Variants in RYR3 observed in about 807,000 individuals in gnomAD.
The protein encoded by RYR3 is ryanodine receptor 3, also known as brain ryanodine receptor-calcium release channel.
Under a neutral mutation model 584.3 loss-of-function variants are expected in RYR3, and 207 were observed. The observed-to-expected ratio is 0.35, with a 90% CI of 0.32 to 0.40. RYR3 has a LOEUF of 0.40. Among genes scored for constraint, RYR3 ranks in the 10% least tolerant of loss-of-function variants. The pLI, the probability that RYR3 is intolerant of heterozygous loss-of-function variation, is 1.00. For missense variants in RYR3, 5,616 were observed against 6,089.2 expected (o/e 0.92, Z 2.59); for synonymous variants, 2,416 against 2,248.5 (o/e 1.07, Z -2.11).
intron 43 of RYR3, among the ~76,000 whole-genome samples, chr15:33,719,548 T>C (rs1173536651): frequency 6.6e-6 from 1 of 152,228 alleles, no homozygotes; most frequent in East Asian, 1.9e-4. Context: ...TTTTTTATAT[T>C]TAAAATTTCA....
intron 1 of RYR3, among the ~76,000 whole-genome samples, chr15:33,341,847 T>A (rs911643354): frequency 4.7e-5 from 7 of 149,522 alleles, no homozygotes; most frequent in Non-Finnish European, 8.9e-5. Flanking sequence ...TAGAAAAAAT[T>A]AAAAAAAAAA....
chr15:33,352,821 A>C (rs1298704651), intron 1 of RYR3, among the ~76,000 whole-genome samples: 1 of 152,208 alleles, frequency 6.6e-6, no homozygotes, highest in Non-Finnish European at 1.5e-5. Flanking sequence ...TTAGAGAGCT[A>C]AGGTTAAAGC....
chr15:33,837,743 C>G lies in RYR3; in HGVS notation c.11763C>G (p.Asp3921Glu), dbSNP rs533027098. Residue 3921 changes from aspartate to glutamate, a missense_variant, in exon 89 of 104, where the codon GAC becomes GAG. By Grantham distance (45) the Asp-to-Glu change is conservative. Transcript: ENST00000634891. ...KFFDMFLKLKDLTSSDTFKEY... is the reference protein window; with the variant it reads ...KFFDMFLKLKELTSSDTFKEY... ...TTGACATGTTCTTGAAACTTAAAGACTTAACCAGCTCAGACACCTTCAAAG... is the reference window on the plus strand; with the variant it reads ...TTGACATGTTCTTGAAACTTAAAGAGTTAACCAGCTCAGACACCTTCAAAG... 4.3e-6 allele frequency: 7 copies of G among 1,613,746 alleles called. No individual in the cohort carries two copies. The highest frequency in any genetic ancestry group is 1.7e-5 in the Admixed American group (1 of 59,986).
intron 92 of RYR3, among the ~76,000 whole-genome samples, chr15:33,844,028 A>T (rs892827670): frequency 6.6e-6 from 1 of 152,358 alleles, no homozygotes; most frequent in South Asian, 2.1e-4. Context: ...GGTTTTGAAC[A>T]TTGGCAAGTG....
chr15:33,498,031 G>A (rs1157167670), intron 2 of RYR3, among the ~76,000 whole-genome samples: 3 of 152,054 alleles, frequency 2.0e-5, no homozygotes, highest in Non-Finnish European at 4.4e-5. Flanking sequence ...ATGTTGCCAC[G>A]AATGACAGGA....
At chr15:33,698,515 G>T (rs907742488) in intron 40 of RYR3, among the ~76,000 whole-genome samples, 3 of 152,182 alleles carry the variant, frequency 2.0e-5, no homozygotes, top group African/African-American at 7.2e-5. Flanking sequence ...GTGGGGATAG[G>T]ACACAACTGG....
At chr15:33,488,766 G>T (rs547154243) in intron 2 of RYR3, among the ~76,000 whole-genome samples, 2 of 152,158 alleles carry the variant, frequency 1.3e-5, no homozygotes, top group South Asian at 4.2e-4. Context: ...GCAGGTAATC[G>T]CTTGAACCCA....
chr15:33,366,446 G>A (rs889866495), intron 1 of RYR3, among the ~76,000 whole-genome samples: 5 of 152,120 alleles, frequency 3.3e-5, no homozygotes, highest in African/African-American at 1.2e-4. Flanking sequence ...AAATAATGGG[G>A]CTCATCTAAG....
chr15:33,464,475 T>G (rs1324602719), intron 1 of RYR3, among the ~76,000 whole-genome samples: 1 of 86,714 alleles, frequency 1.2e-5, no homozygotes, highest in Admixed American at 1.1e-4. Context: ...TATATATATA[T>G]ATATATATAT....
chr15:33,804,909 A>G (rs554817933), intron 69 of RYR3, among the ~76,000 whole-genome samples: 2 of 152,338 alleles, frequency 1.3e-5, no homozygotes, highest in South Asian at 2.1e-4. Flanking sequence ...CCTATGCCAC[A>G]CACACCACAT....
At position 33,726,433 on chromosome 15, in the gene RYR3, G is replaced by C. The variant is rs139287308; in HGVS notation, c.6960G>C (p.Leu2320=). The change falls in exon 46 of 104, where the codon CTG becomes CTC. Residue 2320 remains leucine, a synonymous_variant. Transcript: ENST00000634891. ...KGEAIRIRSI[L]RSLVPTEDLV... ...AAGCCATCCGCATCAGGTCCATCCT[G>C]CGCTCCCTGGTCCCCACAGAAGACC... 710 of 1,611,974 alleles carry C rather than the reference G, an allele frequency of 4.4e-4. 8 individuals carry two copies. The East Asian group carries it at 0.013, about 30-fold the overall frequency.
rs1048235626 is a variant in RYR3, at chr15:33,710,031, T to G, written c.6619+2977T>G. On this transcript the variant is annotated intron_variant, in intron 43 of 103. Coordinates refer to ENST00000634891, the MANE Select transcript of RYR3 (RefSeq NM_001036.6). ...AATGAGTTTCTAAATTATTATGGTG[T>G]TGGTAAAATGGACTAGAAGAGATAC... Among the ~76,000 whole-genome samples the G allele has an allele frequency of 1.4e-4, 22 of 152,310 alleles. No homozygotes were observed. In the Middle Eastern group the frequency reaches 0.01, roughly 71 times the overall value.
intron 1 of RYR3, among the ~76,000 whole-genome samples, chr15:33,368,338 C>CTTTTTT (rs35491164): frequency 0.012 from 998 of 85,830 alleles, 75 homozygotes; most frequent in African/African-American, 0.043. Flanking sequence ...GCCTTCCTGT[C>CTTTTTT]TTTTTTTTTT....
Position 33,865,526 on chromosome 15 carries a change from G to GT in RYR3, c.*300_*301insT, listed in dbSNP as rs1216401519. ...GGTAACTAGTTCAGTTTGTTGGGATGGAAGCATGAAGGAAAGGGCTAGAGA... is the reference window on the plus strand; with the variant it reads ...GGTAACTAGTTCAGTTTGTTGGGATGTGAAGCATGAAGGAAAGGGCTAGAGA... On this transcript the variant is annotated 3_prime_UTR_variant, in exon 104 of 104. Coordinates refer to ENST00000634891, the MANE Select transcript of RYR3 (RefSeq NM_001036.6). The GT allele has an allele frequency of 6.3e-6, 2 of 319,506 alleles. No homozygotes were observed. The highest frequency in any genetic ancestry group is 1.2e-5 in the Non-Finnish European group (2 of 173,014). The allele number at this position is 319,506 out of a possible 1,614,324, so 19.8% of individuals were successfully genotyped here. A position where few individuals can be genotyped will look rare whatever the true frequency, so the allele number is the denominator to read the frequency against.
At chr15:33,854,339 T>C in intron 96 of RYR3, 50 bp from the exon 97 acceptor site, 2 of 1,486,968 alleles carry the variant, frequency 1.3e-6, no homozygotes, top group South Asian at 2.5e-5. Context: ...ATTGAGCACT[T>C]AACTACCTCT....
chr15:33,340,277 T>G (rs1971662645), intron 1 of RYR3, among the ~76,000 whole-genome samples: 1 of 152,136 alleles, frequency 6.6e-6, no homozygotes, highest in Admixed American at 6.5e-5. Flanking sequence ...GTGCAGAGGG[T>G]CAGGGGCTCC....
At chr15:33,389,137 T>C (rs2041830112) in intron 1 of RYR3, among the ~76,000 whole-genome samples, 1 of 149,862 alleles carries the variant, frequency 6.7e-6, no homozygotes, top group South Asian at 2.1e-4. Flanking sequence ...AAATGACGAG[T>C]TAATGGGTGC....
chr15:33,675,992 T>A (rs2064151815), intron 38 of RYR3, among the ~76,000 whole-genome samples: 1 of 151,948 alleles, frequency 6.6e-6, no homozygotes, highest in Non-Finnish European at 1.5e-5. Context: ...CCCCCAAAGA[T>A]GTTCACATCC....
intron 10 of RYR3, among the ~76,000 whole-genome samples, chr15:33,552,568 C>G (rs1341275551): frequency 6.6e-6 from 1 of 152,158 alleles, no homozygotes; most frequent in Non-Finnish European, 1.5e-5. Flanking sequence ...AGTCTCCATG[C>G]GGTAGTATTC....
Sources: gnomAD v4.1 joint callset for allele counts (sites outside exome capture counted in the v4.1 genomes callset) on GRCh38, gnomAD v4.1.1 for gene constraint, MANE v1.5 for transcripts, NCBI Gene and HGNC (gene_info 2026-07-23, HGNC 2026-07-21) for gene names.